The following AMBRA1 variants were observed in gnomAD, a reference collection of about 807,000 sequenced individuals.
The protein encoded by AMBRA1 is activating molecule in BECN1-regulated autophagy protein 1.
In AMBRA1, 47 loss-of-function variants were observed where a neutral mutation model predicts 125.4. The ratio of observed to expected loss-of-function variants is 0.37; its 90% CI spans 0.30 to 0.48. AMBRA1 has a LOEUF of 0.48. AMBRA1 is among the 20% of genes least tolerant of loss of function. The pLI, the probability that AMBRA1 is intolerant of heterozygous loss-of-function variation, is 0.99. For missense variants in AMBRA1, 1,331 were observed against 1,693.4 expected, an observed-to-expected ratio of 0.79 and a Z score of 3.76; for synonymous variants, 626 against 655.5, an observed-to-expected ratio of 0.95 and a Z score of 0.69.
chr11:46,500,798 C>T (rs1950809210), intron 9 of AMBRA1, among the ~76,000 whole-genome samples: 1 of 152,182 alleles, frequency 6.6e-6, no homozygotes. Flanking sequence ...TCTTCAATAC[C>T]CAGCTCAAAT....
intron 12 of AMBRA1, among the ~76,000 whole-genome samples, chr11:46,441,805 TC>T (rs1478836368): frequency 6.6e-6 from 1 of 152,078 alleles, no homozygotes; most frequent in Non-Finnish European, 1.5e-5. Flanking sequence ...GTTTGACCTT[TC>T]AACAAAGATT....
chr11:46,586,903 C>T (rs1035030183), intron 1 of AMBRA1, among the ~76,000 whole-genome samples: 2 of 151,894 alleles, frequency 1.3e-5, no homozygotes, highest in Admixed American at 1.3e-4. Flanking sequence ...TTTCAGTGGT[C>T]GCCTAGAATA....
chr11:46,495,128 T>G (rs1950588111), intron 9 of AMBRA1: 1 of 152,250 alleles, frequency 6.6e-6, no homozygotes, highest in South Asian at 2.1e-4. Context: ...GAAAGGAGCT[T>G]CACATGTTTT....
intron 17 of AMBRA1, among the ~76,000 whole-genome samples, chr11:46,406,914 C>T (rs1179273552): frequency 6.6e-6 from 1 of 151,774 alleles, no homozygotes. Flanking sequence ...GGCACGGTGG[C>T]TCACGCCTTT....
At position 46,512,750 on chromosome 11, in the gene AMBRA1, G is replaced by C; in HGVS notation, c.2136C>G (p.His712Gln). The change falls in exon 8 of 18, where the codon CAC becomes CAG. Residue 712 changes from histidine (H) to glutamine (Q), a missense_variant. Coordinates refer to ENST00000683756, the MANE Select transcript of AMBRA1 (RefSeq NM_001387011.1). The stretch of plus-strand genomic sequence containing the variant: ...ACCTCGCTGGGTCTGGGTAAATTGG[G>C]TGCTCTCTGGATCCTGCTCCATCAT... ...SRYDGAGSRE[H>Q]PIYPDPARLS... 1 of 1,613,226 alleles carries C rather than the reference G, an allele frequency of 6.2e-7. No homozygotes were observed. Among genetic ancestry groups the C allele is most frequent in the East Asian group, 2.2e-5 (1 of 44,826 alleles).
At chr11:46,520,743 C>T (rs1235235501) in intron 7 of AMBRA1, among the ~76,000 whole-genome samples, 1 of 151,500 alleles carries the variant, frequency 6.6e-6, no homozygotes, top group Non-Finnish European at 1.5e-5. Context: ...CTACAGGCGC[C>T]CACCACCAAG....
At chr11:46,523,174 A>G (rs1484549578) in intron 7 of AMBRA1, among the ~76,000 whole-genome samples, 1 of 152,186 alleles carries the variant, frequency 6.6e-6, no homozygotes, top group Non-Finnish European at 1.5e-5. Context: ...TCAGAGTACA[A>G]TCACTTTTCT....
At position 46,548,516 on chromosome 11, in the gene AMBRA1, A is replaced by G; in HGVS notation, c.-120-16T>C. 9.1e-7 allele frequency: 1 copy of G among 1,097,564 alleles called. No homozygotes were observed. The highest frequency in any genetic ancestry group is 1.3e-6 in the Non-Finnish European group (1 of 791,762). The allele number at this position is 1,097,564 out of a possible 1,614,324, so 68.0% of individuals were successfully genotyped here. ...TCATGGAAATCTTAAGGAACAAAGA[A>G]TAATGTCAAAGAACGACTTCTGCAA... On this transcript the variant is annotated splice_polypyrimidine_tract_variant and intron_variant, in intron 1 of 17. Coordinates refer to ENST00000683756, the MANE Select transcript of AMBRA1 (RefSeq NM_001387011.1).
intron 11 of AMBRA1, among the ~76,000 whole-genome samples, chr11:46,479,226 GT>G (rs1359662073): frequency 1.3e-5 from 2 of 151,848 alleles, no homozygotes; most frequent in Admixed American, 1.3e-4. Context: ...AAAAAGCAAT[GT>G]GTTCAGAGTG....
At position 46,542,235 on chromosome 11, in the gene AMBRA1, G is replaced by A. The variant is rs375558035; in HGVS notation, c.1782C>T (p.Gly594=). The A allele has an allele frequency of 4.9e-5, 79 of 1,613,978 alleles. No homozygotes were observed. In the Middle Eastern group the frequency reaches 4.9e-4, roughly 10 times the overall value. Residue 594 remains glycine, a synonymous_variant, in exon 7 of 18, where the codon GGC becomes GGT. Coordinates refer to ENST00000683756, the MANE Select transcript of AMBRA1 (RefSeq NM_001387011.1). This position sits in a 1 kb window ranked among gnomAD's most constrained non-coding sequence, Gnocchi z 5.9. ...GGACCTGCCAAGAGGAACTAGCCTC[G>A]CCAGAGGAGTAGTTAGGTGTGGTTC... The part of the protein sequence containing the change: ...WERTTPNYSS[G]EASSSWQVPS...
intron 1 of AMBRA1, among the ~76,000 whole-genome samples, chr11:46,568,381 C>T (rs544655296): frequency 5.9e-5 from 9 of 151,998 alleles, no homozygotes; most frequent in Non-Finnish European, 8.8e-5. Flanking sequence ...TTGCTTGAAC[C>T]CAGGAGGCAG....
intron 1 of AMBRA1, among the ~76,000 whole-genome samples, chr11:46,549,826 G>C (rs541929713): frequency 6.7e-6 from 1 of 150,248 alleles, no homozygotes; most frequent in African/African-American, 2.5e-5. Flanking sequence ...TTTCTTTTTT[G>C]GGGGGGGTGG....
intron 11 of AMBRA1, among the ~76,000 whole-genome samples, chr11:46,478,839 A>T (rs1949937392): frequency 6.6e-6 from 1 of 151,922 alleles, no homozygotes. Flanking sequence ...GAAAGTTCTA[A>T]ATCTGTACCT....
intron 1 of AMBRA1, among the ~76,000 whole-genome samples, chr11:46,589,206 T>C (rs1200325109): frequency 5.3e-5 from 8 of 152,196 alleles, no homozygotes; most frequent in Non-Finnish European, 8.8e-5. Flanking sequence ...CATAAATACA[T>C]GCTGACAATA....
chr11:46,484,909 T>C (rs1590927416), intron 11 of AMBRA1, among the ~76,000 whole-genome samples: 2 of 151,560 alleles, frequency 1.3e-5, no homozygotes, highest in African/African-American at 4.9e-5. Context: ...CCTCTGAAAG[T>C]GCTGGGATTA....
At chr11:46,443,265 T>C (rs1948107681) in intron 12 of AMBRA1, among the ~76,000 whole-genome samples, 1 of 152,200 alleles carries the variant, frequency 6.6e-6, no homozygotes, top group South Asian at 2.1e-4. Flanking sequence ...GTGATGTTAA[T>C]TAAACTCGAT....
intron 1 of AMBRA1, among the ~76,000 whole-genome samples, chr11:46,565,368 T>C (rs924682831): frequency 2.0e-5 from 3 of 152,144 alleles, no homozygotes; most frequent in African/African-American, 7.2e-5. Flanking sequence ...AGCAACTGCA[T>C]GCTTGGGCAT....
intron 9 of AMBRA1, among the ~76,000 whole-genome samples, chr11:46,507,981 G>C (rs754124723): frequency 6.6e-6 from 1 of 152,162 alleles, no homozygotes; most frequent in Non-Finnish European, 1.5e-5. Flanking sequence ...CTCTGTCCTC[G>C]CGCGCCAGTG....
intron 1 of AMBRA1, among the ~76,000 whole-genome samples, chr11:46,563,381 C>T (rs766423864): frequency 4.6e-5 from 7 of 152,248 alleles, no homozygotes; most frequent in South Asian, 2.1e-4. Context: ...TATATAACTA[C>T]GCCCCAGTAA....
Sources: gnomAD v4.1 joint callset for allele counts (sites outside exome capture counted in the v4.1 genomes callset) on GRCh38, gnomAD v4.1.1 for gene constraint, Gnocchi (gnomAD v3.1) non-coding constraint, MANE v1.5 for transcripts, NCBI Gene and HGNC (gene_info 2026-07-23, HGNC 2026-07-21) for gene names.